SLC6A12: variants seen among roughly 807,000 people sequenced by gnomAD.
The protein encoded by SLC6A12 is sodium- and chloride-dependent betaine transporter.
SLC6A12 carries 50 observed loss-of-function variants against 73.3 expected under a neutral mutation model. The observed-to-expected ratio is 0.68, with a 90% CI of 0.54 to 0.86. The LOEUF (loss-of-function observed/expected upper bound fraction) is 0.86, where lower values mean the gene tolerates loss of function less well. SLC6A12 is among the 40% of genes least tolerant of loss of function. The pLI is 0.00. For synonymous variants in SLC6A12, 304 were observed against 309.2 expected (o/e 0.98, Z 0.18); for missense variants, 648 against 772.8 (o/e 0.84, Z 1.92).
intron 7 of SLC6A12, 70 bp downstream of exon 7, chr12:200,580 AG>A: frequency 6.6e-7 from 1 of 1,507,154 alleles, no homozygotes; most frequent in Non-Finnish European, 9.0e-7. Flanking sequence ...AGTTCTCCAG[AG>A]GGTCCCCCTC....
intron 6 of SLC6A12, 86 bp from the exon 7 acceptor site, chr12:200,869 C>G: frequency 1.4e-6 from 2 of 1,418,318 alleles, no homozygotes; most frequent in South Asian, 1.3e-5. Flanking sequence ...ATTCTCAGAG[C>G]TGACCCCACG....
At chr12:197,003 A>C (rs1939900265) in intron 10 of SLC6A12, 121 bp from the exon 11 acceptor site, 1 of 624,642 alleles carries the variant, frequency 1.6e-6, no homozygotes, top group Admixed American at 2.4e-5. Flanking sequence ...GGAAAGGGTG[A>C]TTCCATCCAC....
At chr12:210,208 A>C in intron 2 of SLC6A12, 165 bp from the exon 3 acceptor site, 1 of 1,163,378 alleles carries the variant, frequency 8.6e-7, no homozygotes, top group South Asian at 1.7e-5. Context: ...AGCAAACCTT[A>C]GTTTTCTGAG....
the SLC6A12 span, among the ~76,000 whole-genome samples, chr12:184,184 CAAATT>C: frequency 6.6e-6 from 1 of 151,714 alleles, no homozygotes; most frequent in Non-Finnish European, 1.5e-5. Context: ...GTTACATTAA[CAAATT>C]AAAGGAGAAA....
At chr12:197,172 TCCATCCATCCATCCATCCATCCATTC>T in intron 10 of SLC6A12, among the ~76,000 whole-genome samples, 179 bp downstream of exon 10, 1 of 76,082 alleles carries the variant, frequency 1.3e-5, no homozygotes, top group African/African-American at 4.6e-5. Flanking sequence ...CATCCATCCA[TCCATCCATCCATCCATCCATCCATTC>T]ATCCATCCAT....
rs944899769 is a variant in SLC6A12 at position 209,867 on chromosome 12, G to C, written c.120C>G (p.Thr40=). The stretch of plus-strand genomic sequence containing the variant: ...CTGACAGCACAAACTCCATCTTGTT[G>C]GTCCATTGGCCCCGATCCTTCACCT... ...EDQVKDRGQW[T]NKMEFVLSVA... is the part of the protein sequence containing the mutation. Residue 40 remains threonine (T), a synonymous_variant, in exon 3 of 16, where the codon ACC becomes ACG. Coordinates refer to ENST00000684302, the MANE Select transcript of SLC6A12 (RefSeq NM_001122848.3). The C allele has an allele frequency of 1.6e-5, 26 of 1,614,062 alleles. No individual in the cohort carries two copies. The highest frequency in any genetic ancestry group is 4.5e-5 in the East Asian group (2 of 44,898).
chr12:196,469 G>C (rs911295587), intron 11 of SLC6A12, among the ~76,000 whole-genome samples: 2 of 152,216 alleles, frequency 1.3e-5, no homozygotes, highest in African/African-American at 2.4e-5. Flanking sequence ...GAGGGTTAGA[G>C]GGGGGTATGT....
chr12:201,351 G>A (rs1435869124), intron 6 of SLC6A12: 2 of 221,894 alleles, frequency 9.0e-6, no homozygotes, highest in African/African-American at 4.6e-5. Context: ...TGTGAGTGGA[G>A]GGTGTGCCCA....
chr12:201,727 C>T (rs983268244), intron 6 of SLC6A12, 35 bp downstream of exon 6: 1 of 1,536,420 alleles, frequency 6.5e-7, no homozygotes, highest in Non-Finnish European at 9.0e-7. Context: ...ATCCAAATTT[C>T]CTCTTCATAT....
rs576563456 is a variant in SLC6A12 at position 200,487 on chromosome 12, C to T, written c.711+164G>A. ...ACTTTCCTTGCATCGAGCTAAGCTC[C>T]GCCTTCCTGTGGCTCCCCCTGTTCT... On this transcript the variant is annotated intron_variant, in intron 7 of 15. Coordinates refer to ENST00000684302, the MANE Select transcript of SLC6A12 (RefSeq NM_001122848.3). 7.9e-5 allele frequency among the ~76,000 whole-genome samples: 12 copies of T among 152,332 alleles called. No homozygotes were observed. The East Asian group carries it at 1.5e-3, about 20-fold the overall frequency.
intron 6 of SLC6A12, chr12:201,198 G>T: frequency 5.2e-6 from 1 of 191,468 alleles, no homozygotes; most frequent in Non-Finnish European, 1.1e-5. Flanking sequence ...TACTGTGAGG[G>T]CATTCAGGTG....
rs565852176 is a variant in SLC6A12 at position 209,899 on chromosome 12, C to T, written c.88G>A (p.Glu30Lys). The T allele has an allele frequency of 2.2e-5, 35 of 1,614,220 alleles. No homozygotes were observed. The highest frequency in any genetic ancestry group is 1.6e-4 in the Middle Eastern group (1 of 6,062). ...EEGEKLDQED[E>K]DQVKDRGQWT... The stretch of plus-strand genomic sequence containing the variant: ...TGGCCCCGATCCTTCACCTGGTCCT[C>T]GTCTTCCTGGTCCAACTTCTCTCCC... The change falls in exon 3 of 16, where the codon GAG becomes AAG. Residue 30 changes from glutamate (E) to lysine (K), a missense_variant. Glu to Lys is a moderately conservative substitution (Grantham distance 56, BLOSUM62 1). Coordinates refer to ENST00000684302, the MANE Select transcript of SLC6A12 (RefSeq NM_001122848.3).
chr12:208,835 A>G (rs2137205812), intron 3 of SLC6A12, among the ~76,000 whole-genome samples: 1 of 152,284 alleles, frequency 6.6e-6, no homozygotes, highest in African/African-American at 2.4e-5. Flanking sequence ...TAGAATAAGG[A>G]ACTGGCCCCT....
chr12:206,434 A>G (rs1282776924), intron 3 of SLC6A12, among the ~76,000 whole-genome samples: 2 of 152,206 alleles, frequency 1.3e-5, no homozygotes, highest in African/African-American at 4.8e-5. Context: ...GCTACGTACT[A>G]TTCCCTTGTG....
At chr12:191,434 G>A (rs1281273878) in intron 15 of SLC6A12, among the ~76,000 whole-genome samples, 1 of 152,166 alleles carries the variant, frequency 6.6e-6, no homozygotes, top group East Asian at 1.9e-4. Flanking sequence ...CTCTGCTGCC[G>A]ACCTGCGCCA....
At chr12:202,927 TA>T in intron 4 of SLC6A12, 47 bp from the exon 5 acceptor site, 1 of 1,584,712 alleles carries the variant, frequency 6.3e-7, no homozygotes, top group Non-Finnish European at 8.6e-7. Context: ...AGATCAATGT[TA>T]GCAAAAAAGT....
At chr12:204,857 C>T in intron 3 of SLC6A12, 159 bp from the exon 4 acceptor site, 1 of 730,322 alleles carries the variant, frequency 1.4e-6, no homozygotes, top group South Asian at 1.8e-5. Context: ...GCGTGCAGTC[C>T]TGAGTGTTAG....
Position 201,694 on chromosome 12 carries a change from A to T in SLC6A12, c.578+68T>A, listed in dbSNP as rs938454737. The T allele has an allele frequency of 2.0e-5, 25 of 1,276,634 alleles. No homozygotes were observed. In the East Asian group the frequency reaches 5.5e-4, roughly 28 times the overall value. The allele number at this position is 1,276,634 out of a possible 1,614,324, so 79.1% of individuals were successfully genotyped here. ...AGAATCTTAAACTTGCACCCCAGAC[A>T]TTCAGACTTGCACAGCTCAGACATC... On this transcript the variant is annotated intron_variant, in intron 6 of 15. Coordinates refer to ENST00000684302, the MANE Select transcript of SLC6A12 (RefSeq NM_001122848.3).
intron 7 of SLC6A12, among the ~76,000 whole-genome samples, chr12:200,244 G>T (rs1195184277): frequency 6.6e-6 from 1 of 150,648 alleles, no homozygotes; most frequent in African/African-American, 2.5e-5. Flanking sequence ...GCATAGCTGG[G>T]ACTACAGGTG....
Sources: gnomAD v4.1 joint callset for allele counts (sites outside exome capture counted in the v4.1 genomes callset) on GRCh38, gnomAD v4.1.1 for gene constraint, MANE v1.5 for transcripts, NCBI Gene and HGNC (gene_info 2026-07-23, HGNC 2026-07-21) for gene names.